Variants in TLR7 observed in about 807,000 individuals in gnomAD.
TLR7 encodes the protein toll like receptor 7.
In TLR7, 12 loss-of-function variants were observed where a neutral mutation model predicts 38.3. The ratio of observed to expected loss-of-function variants is 0.31; its 90% CI spans 0.20 to 0.51. The LOEUF is 0.51. Ranked by LOEUF, TLR7 falls within the 20% of genes least tolerant of loss-of-function variation. TLR7 has a pLI of 0.98. For synonymous variants in TLR7, 285 were observed against 293.8 expected, an observed-to-expected ratio of 0.97 and a Z score of 0.31; for missense variants, 504 against 743.4, an observed-to-expected ratio of 0.68 and a Z score of 3.74.
chrX:12,875,218 C>T (rs1039867837), intron 2 of TLR7, among the ~76,000 whole-genome samples: 5 of 111,486 alleles, frequency 4.5e-5, no homozygotes, highest in African/African-American at 1.6e-4. Flanking sequence ...TTTTTTCTCA[C>T]CATAGATTTC....
chrX:12,869,432 T>C (rs775971479), intron 2 of TLR7, among the ~76,000 whole-genome samples: 1 of 111,299 alleles, frequency 9.0e-6, no homozygotes, highest in East Asian at 2.8e-4. Flanking sequence ...ATCATGTCCT[T>C]TGCAGGGACA....
chrX:12,870,573 G>A (rs765390594), intron 2 of TLR7, among the ~76,000 whole-genome samples: 26 of 111,352 alleles, frequency 2.3e-4, no homozygotes, highest in African/African-American at 6.2e-4. Flanking sequence ...GTATATCCCC[G>A]AAACTCACCG....
intron 2 of TLR7, among the ~76,000 whole-genome samples, chrX:12,869,736 C>T (rs1231075656): frequency 9.7e-6 from 1 of 102,595 alleles, no homozygotes; most frequent in East Asian, 3.1e-4. Context: ...TACCCCAGAA[C>T]TTAAAAAAAC....
intron 2 of TLR7, among the ~76,000 whole-genome samples, chrX:12,879,981 G>A (rs1328563213): frequency 1.8e-5 from 2 of 111,926 alleles, no homozygotes; most frequent in Admixed American, 9.5e-5. Context: ...ACTATCACCT[G>A]GAATAAGAAC....
In TLR7 at chrX:12,886,426, C is replaced by G. The variant is rs147254880; in HGVS notation, c.918C>G (p.Pro306=). 2 of 1,210,079 alleles carry G rather than the reference C, an allele frequency of 1.7e-6. No individual in the cohort carries two copies. The highest frequency in any genetic ancestry group is 3.5e-5 in the African/African-American group (2 of 57,220). Residue 306 remains proline (P), a synonymous_variant, in exon 3 of 3, where the codon CCC becomes CCG. Transcript: ENST00000380659. The stretch of plus-strand genomic sequence containing the variant: ...ACAGTAACTCTCTTCAGCATGTGCC[C>G]CCAAGATGGTTTAAGAACATCAACA... ...RLHSNSLQHV[P]PRWFKNINKL... is the part of the protein sequence containing the mutation.
intron 2 of TLR7, among the ~76,000 whole-genome samples, chrX:12,871,751 C>G (rs1408268540): frequency 9.0e-6 from 1 of 111,160 alleles, no homozygotes; most frequent in Non-Finnish European, 1.9e-5. Flanking sequence ...ATGTTGTAGC[C>G]CAGGGGGTGC....
rs200884477 is a variant in TLR7, at chrX:12,886,178, C to A, written c.670C>A (p.Pro224Thr). ...TGTCACAGCCGTCCCTACTGTTTTG[C>A]CATCTACTTTAACAGAACTATATCT... ...NNVTAVPTVL[P>T]STLTELYLYN... The change falls in exon 3 of 3, where the codon CCA becomes ACA. Residue 224 changes from proline to threonine, a missense_variant. Coordinates refer to ENST00000380659, the MANE Select transcript of TLR7 (RefSeq NM_016562.4). 1 of 1,209,529 alleles carries A rather than the reference C, an allele frequency of 8.3e-7. No homozygotes were observed. The highest frequency in any genetic ancestry group is 1.1e-6 in the Non-Finnish European group (1 of 894,513).
At chrX:12,883,024 T>C (rs2042897830) in intron 2 of TLR7, among the ~76,000 whole-genome samples, 2 of 111,846 alleles carry the variant, frequency 1.8e-5, no homozygotes, top group African/African-American at 6.5e-5. Context: ...TATGAACCCA[T>C]TATGTCTTTG....
chrX:12,871,487 A>T (rs757435179), intron 2 of TLR7, among the ~76,000 whole-genome samples: 1 of 111,932 alleles, frequency 8.9e-6, no homozygotes, highest in African/African-American at 3.3e-5. Context: ...TACTTCTTCC[A>T]TGCCCTTTCT....
chrX:12,876,009 A>C (rs1383382906), intron 2 of TLR7, among the ~76,000 whole-genome samples: 1 of 102,581 alleles, frequency 9.7e-6, no homozygotes, highest in Admixed American at 1.1e-4. Context: ...CCCAGGCTGG[A>C]GTGCAGTGGT....
Position 12,888,072 on chromosome X carries a change from T to C in TLR7, c.2564T>C (p.Val855Ala). ...LSISVSLFLM[V>A]MMTASHLYFW... ...ATATCTGTATCTCTCTTTCTCATGG[T>C]GATGATGACAGCAAGTCACCTCTAT... Residue 855 changes from valine to alanine, a missense_variant, in exon 3 of 3, where the codon GTG (valine) becomes GCG (alanine). Transcript: ENST00000380659. The C allele has an allele frequency of 8.3e-7, 1 of 1,211,665 alleles. No individual in the cohort carries two copies. The highest frequency in any genetic ancestry group is 1.1e-6 in the Non-Finnish European group (1 of 895,176).
rs758288461 is a variant in TLR7 at position 12,888,486 on chromosome X, A to C, written c.2978A>C (p.Lys993Thr). ...GTGATTATCTTGATATTTCTTGAGA[A>C]GCCCTTTCAGAAGTCCAAGTTCCTC... ...VDVIILIFLE[K>T]PFQKSKFLQL... Residue 993 changes from lysine (K) to threonine (T), a missense_variant, in exon 3 of 3, where the codon AAG becomes ACG. Physicochemically the swap from Lys to Thr is moderately conservative, Grantham distance 78 (BLOSUM62 -1). Coordinates refer to ENST00000380659, the MANE Select transcript of TLR7 (RefSeq NM_016562.4). 9 of 1,211,789 alleles carry C rather than the reference A, an allele frequency of 7.4e-6. No homozygotes were observed. The South Asian group carries it at 1.1e-4, about 14-fold the overall frequency.
At chrX:12,882,322 G>A (rs1289989002) in intron 2 of TLR7, among the ~76,000 whole-genome samples, 1 of 111,000 alleles carries the variant, frequency 9.0e-6, no homozygotes, top group African/African-American at 3.3e-5. Flanking sequence ...AGGAGAAGGG[G>A]GAGCAGGGAG....
At chrX:12,880,599 T>C (rs761236981) in intron 2 of TLR7, among the ~76,000 whole-genome samples, 1 of 111,042 alleles carries the variant, frequency 9.0e-6, no homozygotes, top group Admixed American at 9.5e-5. Flanking sequence ...GGGTATAGAC[T>C]GAAGGAACCT....
In TLR7 at chrX:12,885,577, A is replaced by G; in HGVS notation, c.69A>G (p.Lys23=). 8.3e-7 allele frequency: 1 copy of G among 1,209,554 alleles called. No individual in the cohort carries two copies. Among genetic ancestry groups the G allele is most frequent in the Non-Finnish European group, 1.1e-6 (1 of 894,248 alleles). Residue 23 remains lysine, a synonymous_variant, in exon 3 of 3, where the codon AAA becomes AAG. Transcript: ENST00000380659. ...LILFNIILIS[K]LLGARWFPKT... is the part of the protein sequence containing the mutation. ...TTTTTAACATAATCCTAATTTCCAA[A>G]CTCCTTGGGGCTAGATGGTTTCCTA...
intron 2 of TLR7, among the ~76,000 whole-genome samples, chrX:12,877,033 T>A (rs1439347088): frequency 8.9e-6 from 1 of 112,219 alleles, no homozygotes; most frequent in African/African-American, 3.2e-5. Context: ...ATAACGATAG[T>A]TGAAGCTAAG....
rs1490788016 is a variant in TLR7, at chrX:12,887,983, G to C, written c.2475G>C (p.Val825=). The change falls in exon 3 of 3, where the codon GTG becomes GTC. Residue 825 remains valine (V), a synonymous_variant. Coordinates refer to ENST00000380659, the MANE Select transcript of TLR7 (RefSeq NM_016562.4). ...VGPGAHKGQS[V]ISLDLYTCEL... is the part of the protein sequence containing the mutation. ...CAGGAGCACACAAGGGCCAAAGTGT[G>C]ATCTCCCTGGATCTGTACACCTGTG... 1.7e-6 allele frequency: 2 copies of C among 1,209,240 alleles called. No homozygotes were observed. The highest frequency in any genetic ancestry group is 3.5e-5 in the African/African-American group (2 of 57,028).
chrX:12,884,809 T>C (rs1351669126), intron 2 of TLR7, among the ~76,000 whole-genome samples: 4 of 112,609 alleles, frequency 3.6e-5, no homozygotes, highest in African/African-American at 1.3e-4. Context: ...TCCAAATTTA[T>C]GTAATGTAAA....
Position 12,888,558 on chromosome X carries a change from C to A in TLR7, c.3050C>A (p.Thr1017Lys). 1 of 1,211,620 alleles carries A rather than the reference C, an allele frequency of 8.3e-7. No homozygotes were observed. The highest frequency in any genetic ancestry group is 3.0e-5 in the East Asian group (1 of 33,845). ...GGGAGTTCTGTCCTTGAGTGGCCAACAAACCCGCAAGCTCACCCATACTTC... is the reference window on the plus strand; with the variant it reads ...GGGAGTTCTGTCCTTGAGTGGCCAAAAAACCCGCAAGCTCACCCATACTTC... ...LCGSSVLEWP[T>K]NPQAHPYFWQ... The change falls in exon 3 of 3, where the codon ACA becomes AAA. Residue 1017 changes from threonine (T) to lysine (K), a missense_variant. Transcript: ENST00000380659.
Sources: allele counts gnomAD v4.1 joint callset (sites outside exome capture counted in the v4.1 genomes callset), GRCh38; gene constraint gnomAD v4.1.1; transcripts MANE v1.5; gene names NCBI Gene and HGNC (gene_info 2026-07-23, HGNC 2026-07-21).